The following ABHD10 variants were observed in gnomAD, a reference collection of about 807,000 sequenced individuals.
ABHD10 encodes abhydrolase domain containing 10, depalmitoylase.
Under a neutral mutation model 33.1 loss-of-function variants are expected in ABHD10, and 22 were observed. That is an observed-to-expected ratio of 0.66 (90% CI 0.47 to 0.95). The LOEUF (loss-of-function observed/expected upper bound fraction) is 0.95. Ranked by LOEUF, ABHD10 falls within the 40% of genes least tolerant of loss-of-function variation. ABHD10 has a pLI of 0.00. For missense variants in ABHD10, 352 were observed against 379.9 expected, an observed-to-expected ratio of 0.93 and a Z score of 0.61; for synonymous variants, 146 against 133.9, an observed-to-expected ratio of 1.09 and a Z score of -0.62.
chr3:111,987,096 A>G (rs1210955124), intron 4 of ABHD10, 45 bp downstream of exon 4: 14 of 1,586,840 alleles, frequency 8.8e-6, no homozygotes, highest in African/African-American at 1.4e-5. Context: ...TTTACCGCTT[A>G]TACTTCTTCT....
intron 4 of ABHD10, among the ~76,000 whole-genome samples, chr3:111,989,345 A>T (rs1188276654): frequency 6.6e-6 from 1 of 152,174 alleles, no homozygotes; most frequent in Non-Finnish European, 1.5e-5. Flanking sequence ...AGTTTTGTTG[A>T]TGTAGAACTT....
intron 2 of ABHD10, among the ~76,000 whole-genome samples, chr3:111,983,487 A>G (rs1372699070): frequency 6.6e-6 from 1 of 152,142 alleles, no homozygotes; most frequent in Non-Finnish European, 1.5e-5. Context: ...TTCATAAAGA[A>G]TAGTGCTTAA....
intron 2 of ABHD10, 91 bp downstream of exon 2, chr3:111,982,058 G>T: frequency 1.0e-6 from 1 of 983,604 alleles, no homozygotes; most frequent in Non-Finnish European, 1.4e-6. Flanking sequence ...GTAAATGCCA[G>T]CATTTTTATA....
At chr3:111,987,874 AC>A (rs1344839426) in intron 4 of ABHD10, among the ~76,000 whole-genome samples, 1 of 152,218 alleles carries the variant, frequency 6.6e-6, no homozygotes. Flanking sequence ...AGTCAGAGTG[AC>A]AGAGACACAG....
intron 4 of ABHD10, 85 bp from the exon 5 acceptor site, chr3:111,991,292 T>C (rs568521211): frequency 1.7e-5 from 20 of 1,145,538 alleles, no homozygotes; most frequent in Non-Finnish European, 2.5e-5. Context: ...CAAGAACTGC[T>C]TTCATTAGAT....
In ABHD10 at chr3:111,979,097, G is replaced by A. The variant is rs961285232; in HGVS notation, c.36G>A (p.Trp12Ter). Reference protein sequence around the residue: ...AVARLAAVAAWVPCRSWGWAA... With the variant: ...AVARLAAVAA ...CGCGCTTGGCAGCTGTGGCGGCCTGGGTACCTTGTCGGAGCTGGGGCTGGG... is the reference window on the plus strand; with the variant it reads ...CGCGCTTGGCAGCTGTGGCGGCCTGAGTACCTTGTCGGAGCTGGGGCTGGG... Residue 12 changes from tryptophan to a stop codon, truncating the protein, a stop_gained, in exon 1 of 5, where the codon TGG becomes TGA. Coordinates refer to ENST00000273359, the MANE Select transcript of ABHD10 (RefSeq NM_018394.4). LOFTEE classifies it high-confidence loss of function. 12 of 1,613,292 alleles carry A rather than the reference G, an allele frequency of 7.4e-6. No individual in the cohort carries two copies. The highest frequency in any genetic ancestry group is 6.7e-5 in the Admixed American group (4 of 59,986).
intron 3 of ABHD10, 53 bp downstream of exon 3, chr3:111,986,428 G>GTTTGGTTTGT (rs150902974): frequency 4.9e-6 from 5 of 1,018,844 alleles, no homozygotes; most frequent in Non-Finnish European, 5.9e-6. Context: ...TATTTAAGCT[G>GTTTGGTTTGT]TTTGTTTTGT....
At chr3:111,985,279 C>T (rs2072641255) in intron 2 of ABHD10, among the ~76,000 whole-genome samples, 1 of 152,000 alleles carries the variant, frequency 6.6e-6, no homozygotes, top group African/African-American at 2.4e-5. Flanking sequence ...TACTTTATAC[C>T]ACCATGATTT....
At chr3:111,984,527 G>C (rs1337801722) in intron 2 of ABHD10, among the ~76,000 whole-genome samples, 1 of 152,092 alleles carries the variant, frequency 6.6e-6, no homozygotes, top group Non-Finnish European at 1.5e-5. Flanking sequence ...TCATCAATTT[G>C]TCTAAAGCAG....
intron 2 of ABHD10, among the ~76,000 whole-genome samples, chr3:111,982,787 CACAA>C (rs1168578387): frequency 6.6e-6 from 1 of 152,156 alleles, no homozygotes; most frequent in Non-Finnish European, 1.5e-5. Flanking sequence ...AAGAGTGACT[CACAA>C]ACATTCATTC....
rs779545940 is a variant in ABHD10, at chr3:111,991,566, A to C, written c.766A>C (p.Thr256Pro). The C allele has an allele frequency of 3.1e-6, 5 of 1,614,178 alleles. No individual in the cohort carries two copies. In the Admixed American group the frequency reaches 8.3e-5, roughly 27 times the overall value. Residue 256 changes from threonine (T) to proline (P), a missense_variant, in exon 5 of 5, where the codon ACA becomes CCA. Thr to Pro is a conservative substitution (Grantham distance 38). Transcript: ENST00000273359. Reference sequence around the variant, plus strand: ...GAAGGATGACATTGTACCTTGGCATACATCAATGCAGGTTGCCGATCGAGT... The same window carrying C: ...GAAGGATGACATTGTACCTTGGCATCCATCAATGCAGGTTGCCGATCGAGT... ...GMKDDIVPWH[T>P]SMQVADRVLS...
Position 111,992,857 on chromosome 3 carries a change from A to C in ABHD10, c.*1136A>C, listed in dbSNP as rs1211560660. The C allele has an allele frequency of 6.6e-6, 1 of 152,180 alleles. No homozygotes were observed. The highest frequency in any genetic ancestry group is 1.5e-5 in the Non-Finnish European group (1 of 68,026). 9.4% of individuals were successfully genotyped at this position (152,180 alleles called of 1,614,324 possible). On this transcript the variant is annotated 3_prime_UTR_variant, in exon 5 of 5. Transcript: ENST00000273359. ...AACTGAGTATTTATGGGCATTGAAG[A>C]AAAAATGTTGAGATAAAATTGCTGT...
Position 111,986,371 on chromosome 3 carries a change from C to T in ABHD10, c.434C>T (p.Pro145Leu). 6.3e-7 allele frequency: 1 copy of T among 1,599,052 alleles called. No homozygotes were observed. Among genetic ancestry groups the T allele is most frequent in the African/African-American group, 1.3e-5 (1 of 74,684 alleles). ...ATAATTGATGACTTAGCTGATGGGC[C>T]ACAGGTGACTGTTTTGTTAAGTATG... ...LSIIDDLADG[P>L]QILVGSSLGG... Residue 145 changes from proline (P) to leucine (L), a missense_variant, in exon 3 of 5, where the codon CCA becomes CTA. Transcript: ENST00000273359.
Position 111,979,157 on chromosome 3 carries a change from C to T in ABHD10, c.96C>T (p.Ser32=). 1 of 1,612,688 alleles carries T rather than the reference C, an allele frequency of 6.2e-7. No homozygotes were observed. Among genetic ancestry groups the T allele is most frequent in the South Asian group, 1.1e-5 (1 of 91,044 alleles). The part of the protein sequence containing the change: ...AVPFGPHRGL[S]VLLARIPQRA... ...CCTTCGGTCCCCACCGTGGCCTCAG[C>T]GTGCTGCTTGCACGGATACCTCAGC... Residue 32 remains serine, a synonymous_variant, in exon 1 of 5, where the codon AGC becomes AGT. Coordinates refer to ENST00000273359, the MANE Select transcript of ABHD10 (RefSeq NM_018394.4).
chr3:111,981,681 A>T, intron 1 of ABHD10, 103 bp from the exon 2 acceptor site: 2 of 1,043,874 alleles, frequency 1.9e-6, no homozygotes, highest in Non-Finnish European at 2.7e-6. Context: ...AATAGTATTT[A>T]ACATCAATTC....
chr3:111,986,545 C>G (rs1175068400), intron 3 of ABHD10, among the ~76,000 whole-genome samples, 170 bp downstream of exon 3: 1 of 152,232 alleles, frequency 6.6e-6, no homozygotes, highest in Non-Finnish European at 1.5e-5. Context: ...ACGGCATCCT[C>G]CTGCCTCAGC....
intron 2 of ABHD10, among the ~76,000 whole-genome samples, chr3:111,985,950 G>T (rs1196500249): frequency 2.0e-5 from 3 of 152,116 alleles, no homozygotes; most frequent in African/African-American, 7.2e-5. Flanking sequence ...GTTTTAAAAG[G>T]ATCACTCTAC....
chr3:111,982,086 G>C, intron 2 of ABHD10, 119 bp downstream of exon 2: 3 of 842,252 alleles, frequency 3.6e-6, no homozygotes, highest in Non-Finnish European at 4.9e-6. Flanking sequence ...TTAATGGTCT[G>C]TAAACTTGCA....
chr3:111,989,101 C>T (rs1354578031), intron 4 of ABHD10, among the ~76,000 whole-genome samples: 1 of 152,206 alleles, frequency 6.6e-6, no homozygotes, highest in Non-Finnish European at 1.5e-5. Context: ...ACCGCTATCT[C>T]TTCTCCACAT....
Sources: allele counts gnomAD v4.1 joint callset (sites outside exome capture counted in the v4.1 genomes callset), GRCh38; gene constraint gnomAD v4.1.1; transcripts MANE v1.5; gene names NCBI Gene and HGNC (gene_info 2026-07-23, HGNC 2026-07-21).